Variants in AFF3 observed in about 807,000 individuals in gnomAD.
The protein encoded by AFF3 is AF4/FMR2 family member 3.
AFF3 carries 32 observed loss-of-function variants against 129.7 expected under a neutral mutation model. The ratio of observed to expected loss-of-function variants is 0.25; its 90% CI spans 0.19 to 0.33. AFF3 has a LOEUF of 0.33. Ranked by LOEUF, AFF3 falls within the 10% of genes least tolerant of loss-of-function variation. The pLI, the probability that AFF3 is intolerant of heterozygous loss-of-function variation, is 1.00. For synonymous variants in AFF3, 644 were observed against 635.4 expected (o/e 1.01, Z -0.20); for missense variants, 1,373 against 1,592.0 (o/e 0.86, Z 2.34).
chr2:99,623,634 A>C (rs751396530), intron 13 of AFF3, among the ~76,000 whole-genome samples: 2 of 152,206 alleles, frequency 1.3e-5, no homozygotes, highest in Non-Finnish European at 2.9e-5. Flanking sequence ...GAACTGGGAC[A>C]CATGAGGCCT....
intron 13 of AFF3, among the ~76,000 whole-genome samples, chr2:99,605,113 C>A (rs1399954251): frequency 6.6e-6 from 1 of 152,218 alleles, no homozygotes; most frequent in Non-Finnish European, 1.5e-5. Flanking sequence ...TGATGAGGCA[C>A]ACTAGCCCAA....
Position 99,767,720 on chromosome 2 carries a change from G to A in AFF3, c.922-15419C>T, listed in dbSNP as rs866057976. ...CGCCTGTCATCTCAGCACTTTGGGA[G>A]GCCGAGGCGGGCGGATCACGAGGTC... is the stretch of plus-strand genomic sequence containing the variant. On this transcript the variant is annotated intron_variant, in intron 8 of 24. Transcript: ENST00000672756. Among the ~76,000 whole-genome samples, 8 of 152,336 alleles carry A rather than the reference G, an allele frequency of 5.3e-5. No homozygotes were observed. In the South Asian group the frequency reaches 1.7e-3, roughly 32 times the overall value.
chr2:100,101,292 T>C (rs1055830876), intron 4 of AFF3, among the ~76,000 whole-genome samples: 3 of 152,282 alleles, frequency 2.0e-5, no homozygotes, highest in Admixed American at 2.0e-4. Flanking sequence ...TCTCTGTGAC[T>C]GCAAGAATAA....
chr2:99,557,230 A>G (rs1675013107), intron 22 of AFF3, among the ~76,000 whole-genome samples: 1 of 151,608 alleles, frequency 6.6e-6, no homozygotes, highest in Admixed American at 6.6e-5. Flanking sequence ...TGAAGGGTAA[A>G]TGACATTAAT....
intron 4 of AFF3, among the ~76,000 whole-genome samples, chr2:100,054,691 G>A (rs1257128950): frequency 6.6e-6 from 1 of 152,182 alleles, no homozygotes; most frequent in African/African-American, 2.4e-5. Flanking sequence ...TACGTGTATT[G>A]TTTTCCATCC....
At chr2:99,663,391 A>G (rs1375956920) in intron 12 of AFF3, among the ~76,000 whole-genome samples, 1 of 152,252 alleles carries the variant, frequency 6.6e-6, no homozygotes, top group Non-Finnish European at 1.5e-5. Flanking sequence ...CAATCTTGGT[A>G]TCTTGATGAA....
chr2:100,109,725 A>G (rs1391516743), intron 2 of AFF3: 1 of 152,184 alleles, frequency 6.6e-6, no homozygotes, highest in African/African-American at 2.4e-5. Context: ...CTAAAGTATC[A>G]ACTCCATTTA....
At chr2:100,098,147 GAAAAATCAT>G (rs1485521876) in intron 4 of AFF3, among the ~76,000 whole-genome samples, 2 of 150,644 alleles carry the variant, frequency 1.3e-5, no homozygotes, top group Non-Finnish European at 3.0e-5. Flanking sequence ...TAGGAAATGA[GAAAAATCAT>G]GAGCTGCCCA....
chr2:100,059,004 G>A (rs1687021743), intron 4 of AFF3, among the ~76,000 whole-genome samples: 1 of 152,046 alleles, frequency 6.6e-6, no homozygotes, highest in African/African-American at 2.4e-5. Context: ...TGTAATCCCA[G>A]CACTTTGGGA....
intron 2 of AFF3, among the ~76,000 whole-genome samples, chr2:100,117,751 C>T (rs895813264): frequency 1.3e-5 from 2 of 152,146 alleles, no homozygotes; most frequent in Non-Finnish European, 2.9e-5. Context: ...TTATTTTTCT[C>T]CAGAGAGCAT....
At chr2:99,862,139 G>A (rs1288821507) in intron 7 of AFF3, among the ~76,000 whole-genome samples, 3 of 152,010 alleles carry the variant, frequency 2.0e-5, no homozygotes, top group African/African-American at 7.2e-5. Flanking sequence ...GGTAGCTAAT[G>A]ATAAATGATT....
At chr2:99,698,019 T>G (rs559771615) in intron 11 of AFF3, among the ~76,000 whole-genome samples, 9 of 152,322 alleles carry the variant, frequency 5.9e-5, no homozygotes, top group African/African-American at 2.2e-4. Flanking sequence ...TATTCCCAGC[T>G]GTTCAAAATA....
intron 4 of AFF3, among the ~76,000 whole-genome samples, chr2:100,078,989 C>T (rs1688823426): frequency 6.9e-6 from 1 of 144,946 alleles, no homozygotes; most frequent in Non-Finnish European, 1.5e-5. Context: ...GTTGCCTAGG[C>T]TGGATGGAGT....
intron 7 of AFF3, among the ~76,000 whole-genome samples, chr2:99,949,593 G>A (rs1050812941): frequency 2.0e-5 from 3 of 151,958 alleles, no homozygotes; most frequent in African/African-American, 7.2e-5. Context: ...GGGAGACAGT[G>A]GCAGATCATC....
intron 4 of AFF3, among the ~76,000 whole-genome samples, chr2:100,059,254 CAAAA>C (rs59005550): frequency 3.2e-5 from 1 of 31,002 alleles, no homozygotes; most frequent in African/African-American, 1.5e-4. Context: ...ACTCTGTCTC[CAAAA>C]AAAAAAAAAA....
intron 4 of AFF3, among the ~76,000 whole-genome samples, chr2:100,043,333 C>A (rs999068461): frequency 6.6e-6 from 1 of 152,148 alleles, no homozygotes; most frequent in Admixed American, 6.5e-5. Context: ...TGGCATGGTG[C>A]AGGATGCCTG....
chr2:99,641,601 C>A (rs926538247), intron 13 of AFF3, among the ~76,000 whole-genome samples: 1 of 152,076 alleles, frequency 6.6e-6, no homozygotes, highest in African/African-American at 2.4e-5. Context: ...TCATTTGAAC[C>A]CAGGAGGTGG....
chr2:99,877,165 T>C (rs999086519), intron 7 of AFF3, among the ~76,000 whole-genome samples: 7 of 152,158 alleles, frequency 4.6e-5, no homozygotes, highest in Non-Finnish European at 8.8e-5. Flanking sequence ...TTAAGGACAA[T>C]CATGGGAATC....
intron 4 of AFF3, among the ~76,000 whole-genome samples, chr2:100,069,867 CA>C (rs1158061290): frequency 6.6e-6 from 1 of 152,160 alleles, no homozygotes; most frequent in African/African-American, 2.4e-5. Flanking sequence ...ACTCCTCACT[CA>C]AAAAAGTTTA....
Sources: gnomAD v4.1 joint callset for allele counts (sites outside exome capture counted in the v4.1 genomes callset) on GRCh38, gnomAD v4.1.1 for gene constraint, MANE v1.5 for transcripts, NCBI Gene and HGNC (gene_info 2026-07-23, HGNC 2026-07-21) for gene names.